Variants in FNBP1 observed in about 807,000 individuals in gnomAD.
FNBP1 encodes formin-binding protein 1.
In FNBP1, 26 loss-of-function variants were observed where a neutral mutation model predicts 90.6. That is an observed-to-expected ratio of 0.29 (90% confidence interval 0.21 to 0.40). The LOEUF (loss-of-function observed/expected upper bound fraction) is 0.40. Ranked by LOEUF, FNBP1 falls within the 10% of genes least tolerant of loss-of-function variation. FNBP1 has a pLI of 1.00. For missense variants in FNBP1, 635 were observed against 768.0 expected, an observed-to-expected ratio of 0.83 and a Z score of 2.05; for synonymous variants, 260 against 265.2, an observed-to-expected ratio of 0.98 and a Z score of 0.19.
At chr9:130,021,464 C>T (rs540963945) in intron 1 of FNBP1, among the ~76,000 whole-genome samples, 1 of 152,206 alleles carries the variant, frequency 6.6e-6, no homozygotes, top group Non-Finnish European at 1.5e-5. Context: ...CATGAGAAGT[C>T]TACCATTAGC....
At position 129,957,274 on chromosome 9, in the gene FNBP1, G is replaced by A; in HGVS notation, c.513+86C>T. The A allele has an allele frequency of 2.2e-6, 2 of 930,030 alleles. No homozygotes were observed. The highest frequency in any genetic ancestry group is 3.4e-6 in the Non-Finnish European group (2 of 585,812). The allele number at this position is 930,030 out of a possible 1,614,324, so 57.6% of individuals were successfully genotyped here. ...GCTGGTCTCGAACTCCTGGCCTCAGGTGATCCGCTCACCTCAGCCTCCCAA... is the reference window on the plus strand; with the variant it reads ...GCTGGTCTCGAACTCCTGGCCTCAGATGATCCGCTCACCTCAGCCTCCCAA... On this transcript the variant is annotated intron_variant, in intron 6 of 16. Coordinates refer to ENST00000446176, the MANE Select transcript of FNBP1 (RefSeq NM_015033.3). This position sits in a 1 kb window ranked among gnomAD's most constrained non-coding sequence, Gnocchi z 4.3.
rs546178051 is a variant in FNBP1, at chr9:129,914,791, A to C, written c.1185+1175T>G. The C allele has an allele frequency of 4.8e-4, 77 of 159,538 alleles. 1 individual carries two copies. Among genetic ancestry groups the C allele is most frequent in the African/African-American group, 1.7e-3 (59 of 35,708 alleles). The allele number at this position is 159,538 out of a possible 1,614,324, so 9.9% of individuals were successfully genotyped here. The stretch of plus-strand genomic sequence containing the variant: ...TATATATATATATATATATATATAT[A>C]TATCTCACCATAAAATACTATCCTA... On this transcript the variant is annotated intron_variant, in intron 11 of 16. Coordinates refer to ENST00000446176, the MANE Select transcript of FNBP1 (RefSeq NM_015033.3).
intron 4 of FNBP1, among the ~76,000 whole-genome samples, chr9:129,962,478 G>C (rs938051409): frequency 4.6e-5 from 7 of 152,154 alleles, no homozygotes; most frequent in African/African-American, 1.7e-4. Flanking sequence ...GTAGAGCCTC[G>C]GAGCTTTTCC....
chr9:129,959,755 A>G (rs1233866123), intron 4 of FNBP1, among the ~76,000 whole-genome samples: 1 of 152,118 alleles, frequency 6.6e-6, no homozygotes, highest in East Asian at 1.9e-4. Flanking sequence ...AAACTGTACA[A>G]CCATCACCAC....
At chr9:129,928,245 C>A (rs184155036) in intron 7 of FNBP1, among the ~76,000 whole-genome samples, 29 of 152,340 alleles carry the variant, frequency 1.9e-4, no homozygotes, top group South Asian at 8.3e-4. Context: ...AAAGAAAGAA[C>A]TGTCATTTGT....
chr9:129,934,048 T>C (rs1357317668), intron 6 of FNBP1, among the ~76,000 whole-genome samples: 1 of 152,224 alleles, frequency 6.6e-6, no homozygotes. Flanking sequence ...CTTTAAAATA[T>C]CTTGTATTTT....
At chr9:129,961,190 G>A (rs536674711) in intron 4 of FNBP1, among the ~76,000 whole-genome samples, 1 of 152,194 alleles carries the variant, frequency 6.6e-6, no homozygotes, top group South Asian at 2.1e-4. Flanking sequence ...GCGCATGCCT[G>A]TAATCCCAGC....
At chr9:129,892,397 ACACACACACACACACAC>A (rs2035196844) in intron 16 of FNBP1, among the ~76,000 whole-genome samples, 7 of 145,734 alleles carry the variant, frequency 4.8e-5, no homozygotes, top group African/African-American at 1.5e-4. Context: ...ACACACACAC[ACACACACACACACACAC>A]ACAAAAAGGT....
Position 129,994,899 on chromosome 9 carries a change from A to G in FNBP1, c.84T>C (p.Tyr28=), listed in dbSNP as rs1363795083. Residue 28 remains tyrosine, a synonymous_variant, in exon 2 of 17, where the codon TAT becomes TAC. Transcript: ENST00000446176. The part of the protein sequence containing the change: ...TQWGIDILEK[Y]IKFVKERTEI... ...CTGTCCTTTCTTTCACAAACTTGAT[A>G]TATTTCTCAAGAATATCAATTCCCC... The G allele has an allele frequency of 1.2e-6, 2 of 1,610,130 alleles. No individual in the cohort carries two copies. Among genetic ancestry groups the G allele is most frequent in the East Asian group, 2.2e-5 (1 of 44,728 alleles).
At chr9:130,026,161 AC>A (rs772923509) in intron 1 of FNBP1, among the ~76,000 whole-genome samples, 13 of 152,180 alleles carry the variant, frequency 8.5e-5, no homozygotes, top group Non-Finnish European at 1.3e-4. Context: ...ACACTCTTGA[AC>A]AATATGACAC....
At chr9:129,943,797 CCTGG>C in intron 6 of FNBP1, among the ~76,000 whole-genome samples, 1 of 151,660 alleles carries the variant, frequency 6.6e-6, no homozygotes, top group Non-Finnish European at 1.5e-5. Context: ...TCGAGAACAT[CCTGG>C]CTAAGACGGT....
chr9:129,998,498 G>A (rs1199661539), intron 1 of FNBP1, among the ~76,000 whole-genome samples: 5 of 150,698 alleles, frequency 3.3e-5, no homozygotes, highest in Admixed American at 1.3e-4. Context: ...TGGTCAAAAC[G>A]AGCAAAACTC....
chr9:129,947,358 T>C (rs2045458826), intron 6 of FNBP1, among the ~76,000 whole-genome samples: 1 of 149,680 alleles, frequency 6.7e-6, no homozygotes, highest in Admixed American at 6.7e-5. Flanking sequence ...GAGAATTGCT[T>C]GAACCCAGGA....
rs1564249903 is a variant in FNBP1, at chr9:129,895,947, G to C, written c.1737C>G (p.Val579=). ...ISVVEGETLY[V]IEEDKGDGWT... ...AGCCATCGCCTTTGTCTTCCTCTAT[G>C]ACATACAATGTTTCTCCTTCAACTA... The change falls in exon 16 of 17, where the codon GTC becomes GTG. Residue 579 remains valine, a synonymous_variant. Coordinates refer to ENST00000446176, the MANE Select transcript of FNBP1 (RefSeq NM_015033.3). The C allele has an allele frequency of 6.2e-7, 1 of 1,612,144 alleles. No homozygotes were observed. Among genetic ancestry groups the C allele is most frequent in the Admixed American group, 1.7e-5 (1 of 59,624 alleles).
At chr9:129,908,362 C>A (rs982820197) in intron 12 of FNBP1, among the ~76,000 whole-genome samples, 6 of 150,648 alleles carry the variant, frequency 4.0e-5, no homozygotes, top group Non-Finnish European at 8.9e-5. Flanking sequence ...CACCATCATG[C>A]CTGGCTAGTT....
intron 11 of FNBP1, chr9:129,914,884 C>T (rs1564314690): frequency 2.2e-6 from 1 of 463,070 alleles, no homozygotes; most frequent in Non-Finnish European, 4.5e-6. Context: ...GATCACTGTC[C>T]ATTATTTTAG....
chr9:130,016,970 G>A (rs534968058), intron 1 of FNBP1, among the ~76,000 whole-genome samples: 2 of 152,284 alleles, frequency 1.3e-5, no homozygotes, highest in African/African-American at 4.8e-5. Context: ...ATTTGGCAGA[G>A]CAGGGTGGCT....
intron 4 of FNBP1, among the ~76,000 whole-genome samples, chr9:129,977,973 G>T (rs564787905): frequency 1.3e-5 from 2 of 151,656 alleles, no homozygotes; most frequent in African/African-American, 4.8e-5. Context: ...GACATTTTAC[G>T]TAGAGACCTA....
chr9:130,040,437 G>A lies in FNBP1; in HGVS notation c.24+2515C>T, dbSNP rs535102781. ...AGTTTGAGACCAGCCTGGCCAACAC[G>A]GCGAAACCCCGTCTCTACTAAATAC... is the stretch of plus-strand genomic sequence containing the variant. On this transcript the variant is annotated intron_variant, in intron 1 of 16. Transcript: ENST00000446176. 4.6e-5 allele frequency among the ~76,000 whole-genome samples: 7 copies of A among 151,992 alleles called. No homozygotes were observed. In the South Asian group the frequency reaches 8.3e-4, roughly 18 times the overall value.
Sources: allele counts gnomAD v4.1 joint callset (sites outside exome capture counted in the v4.1 genomes callset), GRCh38; gene constraint gnomAD v4.1.1; non-coding constraint Gnocchi (gnomAD v3.1); transcripts MANE v1.5; gene names NCBI Gene and HGNC (gene_info 2026-07-23, HGNC 2026-07-21).